Variants in PCDHGA8 observed in about 807,000 individuals in gnomAD.
PCDHGA8 encodes protocadherin gamma-A8.
Under a neutral mutation model 59.2 loss-of-function variants are expected in PCDHGA8, and 45 were observed. That is an observed-to-expected ratio of 0.76 (90% CI 0.60 to 0.98). The LOEUF (loss-of-function observed/expected upper bound fraction) is 0.98, where lower values mean the gene tolerates loss of function less well. PCDHGA8 is among the 50% of genes least tolerant of loss of function. The probability of loss-of-function intolerance (pLI) is 0.00; values close to 1 mark genes in which losing one functional copy is unlikely to be tolerated. For missense variants in PCDHGA8, 1,257 were observed against 1,196.2 expected, an observed-to-expected ratio of 1.05 and a Z score of -0.75; for synonymous variants, 531 against 519.0, an observed-to-expected ratio of 1.02 and a Z score of -0.32.
chr5:141,436,240 G>A (rs192988618), intron 1 of PCDHGA8, among the ~76,000 whole-genome samples: 2 of 152,200 alleles, frequency 1.3e-5, no homozygotes, highest in East Asian at 3.9e-4. Flanking sequence ...AGCTAACATG[G>A]TCTAATTATT....
chr5:141,470,872 TTTTTTG>T (rs900302332), intron 1 of PCDHGA8, among the ~76,000 whole-genome samples: 3 of 151,814 alleles, frequency 2.0e-5, no homozygotes, highest in African/African-American at 4.8e-5. Context: ...GTTTGTTTGT[TTTTTTG>T]TTTTTGTTTT....
chr5:141,433,367 C>CTATA, intron 1 of PCDHGA8: 2 of 549,818 alleles, frequency 3.6e-6, no homozygotes, highest in South Asian at 4.5e-5. Flanking sequence ...GCCTATCTAT[C>CTATA]TATCTATCTA....
intron 1 of PCDHGA8, among the ~76,000 whole-genome samples, chr5:141,406,540 A>C (rs1180847016): frequency 6.6e-6 from 1 of 152,216 alleles, no homozygotes; most frequent in Non-Finnish European, 1.5e-5. Context: ...ACGAAGATTC[A>C]AACTTCAGTT....
intron 1 of PCDHGA8, chr5:141,478,291 C>T: frequency 1.9e-6 from 3 of 1,614,144 alleles, no homozygotes; most frequent in East Asian, 2.2e-5. Context: ...AGTCTAGAGA[C>T]CTATACCGAG....
rs1160642304 is a variant in PCDHGA8 at position 141,415,415 on chromosome 5, T to C, written c.2424+20178T>C. 7 of 1,614,084 alleles carry C rather than the reference T, an allele frequency of 4.3e-6. No individual in the cohort carries two copies. In the Admixed American group the frequency reaches 8.3e-5, roughly 19 times the overall value. Reference sequence around the variant, plus strand: ...GTGTCCGGCTCGCACTTTGTGGGCGTGGACGGGGTTCGGGCTTTCCTGCAG... The same window carrying C: ...GTGTCCGGCTCGCACTTTGTGGGCGCGGACGGGGTTCGGGCTTTCCTGCAG... On this transcript the variant is annotated intron_variant, in intron 1 of 3. Coordinates refer to ENST00000398604, the MANE Select transcript of PCDHGA8 (RefSeq NM_032088.2).
intron 1 of PCDHGA8, among the ~76,000 whole-genome samples, chr5:141,484,369 G>A (rs1218433750): frequency 6.6e-6 from 1 of 152,164 alleles, no homozygotes; most frequent in Non-Finnish European, 1.5e-5. Flanking sequence ...TGTATCACTA[G>A]CAAATGTCTG....
intron 1 of PCDHGA8, chr5:141,415,172 T>G (rs770772038): frequency 1.2e-6 from 2 of 1,613,882 alleles, no homozygotes; most frequent in Non-Finnish European, 1.7e-6. Context: ...ACGCTCACCG[T>G]GGCCGTGGCC....
chr5:141,419,072 G>C (rs17208397), intron 1 of PCDHGA8: 242,774 of 1,613,756 alleles, frequency 0.15, 19,855 homozygotes, highest in Non-Finnish European at 0.17. Context: ...CTACAAGCTA[G>C]TAACAGATGA....
At chr5:141,466,107 G>T (rs1463944825) in intron 1 of PCDHGA8, among the ~76,000 whole-genome samples, 1 of 151,928 alleles carries the variant, frequency 6.6e-6, no homozygotes, top group East Asian at 1.9e-4. Flanking sequence ...GGGCAACAGA[G>T]TGAGACTCCA....
At chr5:141,445,573 A>G (rs1311326050) in intron 1 of PCDHGA8, among the ~76,000 whole-genome samples, 1 of 152,248 alleles carries the variant, frequency 6.6e-6, no homozygotes, top group Admixed American at 6.5e-5. Flanking sequence ...AGCTTATAGT[A>G]GGGAAGCTTC....
chr5:141,420,905 T>TA (rs545324172), intron 1 of PCDHGA8: 3 of 299,970 alleles, frequency 1.0e-5, no homozygotes, highest in Non-Finnish European at 1.9e-5. Flanking sequence ...GCTCTACAAA[T>TA]ACGTGTGATT....
intron 1 of PCDHGA8, chr5:141,430,569 G>A (rs1252716330): frequency 4.5e-6 from 2 of 439,930 alleles, no homozygotes; most frequent in African/African-American, 4.1e-5. Flanking sequence ...GGAGAGAAAA[G>A]CGGAGATCCT....
At chr5:141,443,872 A>C (rs1446612063) in intron 1 of PCDHGA8, among the ~76,000 whole-genome samples, 4 of 152,212 alleles carry the variant, frequency 2.6e-5, no homozygotes, top group African/African-American at 9.7e-5. Flanking sequence ...AAAATTACTG[A>C]TAAGTCAAGA....
chr5:141,496,589 G>A (rs914585858), intron 2 of PCDHGA8, among the ~76,000 whole-genome samples: 7 of 152,124 alleles, frequency 4.6e-5, no homozygotes, highest in Admixed American at 6.5e-5. Flanking sequence ...AACGCAAAGC[G>A]CTTCTTAGAA....
Position 141,394,174 on chromosome 5 carries a change from A to T in PCDHGA8, c.1361A>T (p.His454Leu). Reference protein sequence around the residue: ...DINDNPPTFPHASYSAYILEN... With the variant: ...DINDNPPTFPLASYSAYILEN... ...AACGACAACCCTCCTACTTTCCCTC[A>T]TGCCTCCTACTCAGCGTATATCCTA... is the stretch of plus-strand genomic sequence containing the variant. Residue 454 changes from histidine to leucine, a missense_variant, in exon 1 of 4, where the codon CAT becomes CTT. Coordinates refer to ENST00000398604, the MANE Select transcript of PCDHGA8 (RefSeq NM_032088.2). 1 of 1,613,824 alleles carries T rather than the reference A, an allele frequency of 6.2e-7. No homozygotes were observed. Among genetic ancestry groups the T allele is most frequent in the Non-Finnish European group, 8.5e-7 (1 of 1,179,854 alleles).
At chr5:141,461,408 CAT>C (rs1491314585) in intron 1 of PCDHGA8, among the ~76,000 whole-genome samples, 2 of 151,994 alleles carry the variant, frequency 1.3e-5, no homozygotes, top group South Asian at 2.1e-4. Flanking sequence ...AGCATTTTTT[CAT>C]ATGTTTGTGG....
intron 1 of PCDHGA8, among the ~76,000 whole-genome samples, chr5:141,438,745 T>C (rs1004731034): frequency 4.7e-5 from 7 of 147,392 alleles, no homozygotes; most frequent in Non-Finnish European, 1.0e-4. Flanking sequence ...CACTGCAACC[T>C]CTGCCTCCTG....
intron 3 of PCDHGA8, among the ~76,000 whole-genome samples, chr5:141,507,891 C>A (rs1031803854): frequency 6.6e-6 from 1 of 152,208 alleles, no homozygotes; most frequent in African/African-American, 2.4e-5. Flanking sequence ...AGAGAGGTTC[C>A]TGAAGTCCAG....
At chr5:141,502,400 C>T (rs964923206) in intron 2 of PCDHGA8, among the ~76,000 whole-genome samples, 2 of 151,748 alleles carry the variant, frequency 1.3e-5, no homozygotes, top group African/African-American at 4.8e-5. Flanking sequence ...AAAATGTCCC[C>T]GAACCTGGAT....
Sources: gnomAD v4.1 joint callset for allele counts (sites outside exome capture counted in the v4.1 genomes callset) on GRCh38, gnomAD v4.1.1 for gene constraint, MANE v1.5 for transcripts, NCBI Gene and HGNC (gene_info 2026-07-23, HGNC 2026-07-21) for gene names.